NFASC: variants seen among roughly 807,000 people sequenced by gnomAD.
NFASC encodes the protein neurofascin.
A neutral mutation model predicts 147.5 loss-of-function variants in NFASC; 43 were observed. The ratio of observed to expected loss-of-function variants is 0.29; its 90% CI spans 0.23 to 0.38. The LOEUF is 0.38. NFASC is among the 10% of genes least tolerant of loss of function. The pLI is 1.00. For synonymous variants in NFASC, 622 were observed against 665.5 expected (o/e 0.93, Z 1.01); for missense variants, 1,320 against 1,689.0 (o/e 0.78, Z 3.83).
chr1:204,864,640 C>T (rs1326655359), intron 1 of NFASC, among the ~76,000 whole-genome samples: 1 of 152,178 alleles, frequency 6.6e-6, no homozygotes, highest in Non-Finnish European at 1.5e-5. Flanking sequence ...TGATATTGAA[C>T]ATCTTTTCAT....
intron 1 of NFASC, among the ~76,000 whole-genome samples, chr1:204,902,006 AC>A (rs1322576098): frequency 6.6e-6 from 1 of 151,984 alleles, no homozygotes; most frequent in African/African-American, 2.4e-5. Context: ...TGAAGGGAGA[AC>A]CCCAGTTTCT....
intron 16 of NFASC, 92 bp downstream of exon 16, chr1:204,976,887 G>A: frequency 6.5e-7 from 1 of 1,529,574 alleles, no homozygotes; most frequent in Middle Eastern, 1.7e-4. Context: ...CGAGGGCAGT[G>A]CCTGCAGTCA....
intron 1 of NFASC, among the ~76,000 whole-genome samples, chr1:204,841,414 T>C (rs1429309802): frequency 6.6e-6 from 1 of 152,200 alleles, no homozygotes; most frequent in Non-Finnish European, 1.5e-5. Flanking sequence ...GTTGCTTGTA[T>C]TAGTTAGTGA....
chr1:205,003,148 G>A (rs2096029288), intron 27 of NFASC, among the ~76,000 whole-genome samples: 1 of 152,192 alleles, frequency 6.6e-6, no homozygotes, highest in South Asian at 2.1e-4. Context: ...GCAGGATCAG[G>A]GGATAGGGCC....
rs2096348729 is a variant in NFASC at position 205,015,785 on chromosome 1, G to A, written c.3492-523G>A. ...CACCAAGACAGACAAGCAGAGAGGT[G>A]AGGGAGAGGTTTGTTCCTTTAAAAG... On this transcript the variant is annotated intron_variant, in intron 29 of 29. Transcript: ENST00000339876. This position sits in a 1 kb window ranked among gnomAD's most constrained non-coding sequence, Gnocchi z 4.0. Among the ~76,000 whole-genome samples, 1 of 152,056 alleles carries A rather than the reference G, an allele frequency of 6.6e-6. No homozygotes were observed. Among genetic ancestry groups the A allele is most frequent in the African/African-American group, 2.4e-5 (1 of 41,414 alleles).
At chr1:205,009,709 G>A in intron 28 of NFASC, 21 bp downstream of exon 28, 3 of 1,610,442 alleles carry the variant, frequency 1.9e-6, no homozygotes, top group Non-Finnish European at 2.5e-6. Context: ...CAAGAGGCGT[G>A]GGCTTGCAGG....
chr1:205,008,946 C>A (rs1324861292), intron 27 of NFASC: 2 of 166,272 alleles, frequency 1.2e-5, no homozygotes, highest in African/African-American at 2.4e-5. Context: ...GCGCAGGATC[C>A]ACTAGAGAGA....
intron 1 of NFASC, among the ~76,000 whole-genome samples, chr1:204,907,678 T>G (rs1358075448): frequency 6.6e-6 from 1 of 152,242 alleles, no homozygotes; most frequent in Admixed American, 6.5e-5. Context: ...CTCCCTTGCA[T>G]TTCAAAAACC....
Position 204,954,471 on chromosome 1 carries a change from C to T in NFASC, c.412+87C>T, listed in dbSNP as rs541805562. 1.7e-5 allele frequency: 22 copies of T among 1,300,300 alleles called. No individual in the cohort carries two copies. The East Asian group carries it at 5.3e-4, about 32-fold the overall frequency. The allele number at this position is 1,300,300 out of a possible 1,614,324, so 80.5% of individuals were successfully genotyped here. ...TGGAAGGCCATTCCAGAAGGGCTGC[C>T]CCTGCCCTTGGCCTGCAGTTGCCTT... is the stretch of plus-strand genomic sequence containing the variant. On this transcript the variant is annotated intron_variant, in intron 6 of 29. Coordinates refer to ENST00000339876, the MANE Select transcript of NFASC (RefSeq NM_001005388.3). This position sits in a 1 kb window ranked among gnomAD's most constrained non-coding sequence, Gnocchi z 5.7.
At chr1:205,011,709 C>T (rs569677702) in intron 28 of NFASC, among the ~76,000 whole-genome samples, 6 of 152,332 alleles carry the variant, frequency 3.9e-5, no homozygotes, top group East Asian at 1.9e-4. Context: ...TAATTAGTTA[C>T]GTGACATGCT....
At chr1:204,971,176 G>A (rs142813279) in intron 11 of NFASC, among the ~76,000 whole-genome samples, 234 of 152,226 alleles carry the variant, frequency 1.5e-3, no homozygotes, top group African/African-American at 5.5e-3. Context: ...TCTGCTAAGG[G>A]CAAAAGAAGA....
At chr1:204,839,528 G>A (rs572463284) in intron 1 of NFASC, among the ~76,000 whole-genome samples, 24 of 152,286 alleles carry the variant, frequency 1.6e-4, no homozygotes, top group African/African-American at 5.5e-4. Flanking sequence ...GCCTCTCAGG[G>A]ATTCCCTCCT....
chr1:204,951,111 A>G (rs907167086), intron 4 of NFASC, among the ~76,000 whole-genome samples: 6 of 151,872 alleles, frequency 4.0e-5, no homozygotes, highest in Admixed American at 6.6e-5. Context: ...TGAGTAAACT[A>G]AAAGTCTGGC....
rs2095065237 is a variant in NFASC, at chr1:204,968,228, G to A, written c.707-21G>A. The A allele has an allele frequency of 6.3e-7, 1 of 1,592,668 alleles. No individual in the cohort carries two copies. The highest frequency in any genetic ancestry group is 1.3e-5 in the African/African-American group (1 of 74,632). ...GCCTTCTGGAAGGAGGCTCATGGGA[G>A]TTTGTTCTCTCCTGTTTCAGCCCGA... On this transcript the variant is annotated intron_variant, in intron 8 of 29. Transcript: ENST00000339876. The surrounding 1 kb of genome is among the most constrained non-coding windows in gnomAD (Gnocchi z 5.4).
At chr1:204,966,131 G>A (rs2094936156) in intron 8 of NFASC, among the ~76,000 whole-genome samples, 1 of 152,004 alleles carries the variant, frequency 6.6e-6, no homozygotes, top group Non-Finnish European at 1.5e-5. Context: ...TCCTTCTTTA[G>A]GATAATTCTA....
intron 1 of NFASC, among the ~76,000 whole-genome samples, chr1:204,880,505 G>A (rs1021503763): frequency 3.0e-4 from 46 of 152,108 alleles, no homozygotes; most frequent in Admixed American, 1.7e-3. Flanking sequence ...ACAGGCACCC[G>A]CCACCACGCC....
In NFASC at chr1:204,968,417, GC is replaced by G. The variant is rs2095074024; in HGVS notation, c.818+58del. 2 of 1,266,636 alleles carry G rather than the reference GC, an allele frequency of 1.6e-6. No individual in the cohort carries two copies. Among genetic ancestry groups the G allele is most frequent in the Admixed American group, 1.7e-5 (1 of 58,578 alleles). 78.5% of individuals were successfully genotyped at this position (1,266,636 alleles called of 1,614,324 possible). ...ACCCTCCAGGAGGATGGGGATGGGA[GC>G]TTGTTCATGCTCTTGTTAATGCCAC... On this transcript the variant is annotated intron_variant, in intron 9 of 29. Transcript: ENST00000339876. This position sits in a 1 kb window ranked among gnomAD's most constrained non-coding sequence, Gnocchi z 5.4.
At chr1:204,889,693 C>G (rs1200148568) in intron 1 of NFASC, among the ~76,000 whole-genome samples, 2 of 152,160 alleles carry the variant, frequency 1.3e-5, no homozygotes, top group African/African-American at 4.8e-5. Flanking sequence ...GTGCAATATC[C>G]TTGTTTCCTT....
rs377528879 is a variant in NFASC at position 204,974,449 on chromosome 1, A to G, written c.1391+159A>G. 5.6e-4 allele frequency: 450 copies of G among 806,582 alleles called. 1 individual carries two copies. The highest frequency in any genetic ancestry group is 4.6e-3 in the African/African-American group (269 of 58,546). 50.0% of individuals were successfully genotyped at this position (806,582 alleles called of 1,614,324 possible). On this transcript the variant is annotated intron_variant, in intron 13 of 29. Coordinates refer to ENST00000339876, the MANE Select transcript of NFASC (RefSeq NM_001005388.3). ...TCATCTGGATCAACCTCCTCATTGTACAGAATGGGAAACCAAGACCTTGAG... is the reference window on the plus strand; with the variant it reads ...TCATCTGGATCAACCTCCTCATTGTGCAGAATGGGAAACCAAGACCTTGAG...
Sources: gnomAD v4.1 joint callset for allele counts (sites outside exome capture counted in the v4.1 genomes callset) on GRCh38, gnomAD v4.1.1 for gene constraint, Gnocchi (gnomAD v3.1) non-coding constraint, MANE v1.5 for transcripts, NCBI Gene and HGNC (gene_info 2026-07-23, HGNC 2026-07-21) for gene names.